PELI2: variants seen among roughly 807,000 people sequenced by gnomAD.
The protein encoded by PELI2 is E3 ubiquitin-protein ligase pellino homolog 2.
PELI2 carries 23 observed loss-of-function variants against 42.3 expected under a neutral mutation model. That is an observed-to-expected ratio of 0.54 (90% CI 0.39 to 0.77). The LOEUF (loss-of-function observed/expected upper bound fraction) is 0.77. Ranked by LOEUF, PELI2 falls within the 30% of genes least tolerant of loss-of-function variation. PELI2 has a pLI of 0.00. For synonymous variants in PELI2, 245 were observed against 212.2 expected (o/e 1.15, Z -1.34); for missense variants, 463 against 553.2 (o/e 0.84, Z 1.64).
rs556084420 is a variant in PELI2, at chr14:56,253,239, A to G, written c.208-26437A>G. ...GCTGTTTATGACAAACCCACAGCCA[A>G]TATCACACTGAATGGGCCAAAGCTG... On this transcript the variant is annotated intron_variant, in intron 2 of 5. Coordinates refer to ENST00000267460, the MANE Select transcript of PELI2 (RefSeq NM_021255.3). 4.6e-5 allele frequency among the ~76,000 whole-genome samples: 7 copies of G among 152,360 alleles called. No homozygotes were observed. The South Asian group carries it at 6.2e-4, about 14-fold the overall frequency.
chr14:56,242,771 A>G (rs758379692), intron 2 of PELI2, among the ~76,000 whole-genome samples: 2 of 152,210 alleles, frequency 1.3e-5, no homozygotes, highest in Non-Finnish European at 2.9e-5. Context: ...CAATTATCGT[A>G]TGTTCTCAGT....
chr14:56,141,611 T>TA lies in PELI2; in HGVS notation c.77+22875dup, dbSNP rs1384909128. Among the ~76,000 whole-genome samples the TA allele has an allele frequency of 8.5e-5, 13 of 152,124 alleles. 1 individual carries two copies. The South Asian group carries it at 1.0e-3, about 12-fold the overall frequency. On this transcript the variant is annotated intron_variant, in intron 1 of 5. Coordinates refer to ENST00000267460, the MANE Select transcript of PELI2 (RefSeq NM_021255.3). ...ATGGCTGGGGAGGCCTCAGGATACT[T>TA]ACAATCATGGCAGAAGGCACCTCTT... is the stretch of plus-strand genomic sequence containing the variant.
chr14:56,126,984 GGTT>G (rs1883294900), intron 1 of PELI2, among the ~76,000 whole-genome samples: 1 of 152,096 alleles, frequency 6.6e-6, no homozygotes, highest in South Asian at 2.1e-4. Flanking sequence ...TGTCTCCTCG[GGTT>G]GTTGATCATT....
chr14:56,127,905 TAA>T (rs746506654), intron 1 of PELI2, among the ~76,000 whole-genome samples: 2 of 152,224 alleles, frequency 1.3e-5, no homozygotes, highest in Admixed American at 6.5e-5. Context: ...CAGATGATGT[TAA>T]GTCTGTTGCT....
At chr14:56,184,917 G>T (rs1192802588) in intron 2 of PELI2, among the ~76,000 whole-genome samples, 1 of 152,042 alleles carries the variant, frequency 6.6e-6, no homozygotes, top group African/African-American at 2.4e-5. Flanking sequence ...ATTAACAGAT[G>T]ACTTGGAAAT....
At chr14:56,183,903 T>C (rs1885677198) in intron 2 of PELI2, among the ~76,000 whole-genome samples, 1 of 152,178 alleles carries the variant, frequency 6.6e-6, no homozygotes, top group African/African-American at 2.4e-5. Context: ...AAAAGTTGTC[T>C]TAGCTGAAAT....
At chr14:56,242,502 A>G (rs998477514) in intron 2 of PELI2, among the ~76,000 whole-genome samples, 4 of 152,240 alleles carry the variant, frequency 2.6e-5, no homozygotes, top group African/African-American at 9.6e-5. Flanking sequence ...ATTACTGGGC[A>G]TCTACCCAAA....
At chr14:56,294,853 A>G (rs1274612334) in intron 5 of PELI2, among the ~76,000 whole-genome samples, 1 of 152,200 alleles carries the variant, frequency 6.6e-6, no homozygotes, top group African/African-American at 2.4e-5. Flanking sequence ...AGTTCTCACA[A>G]CAATCCTATA....
intron 2 of PELI2, among the ~76,000 whole-genome samples, chr14:56,183,034 A>C (rs561728676): frequency 1.3e-5 from 2 of 152,106 alleles, no homozygotes; most frequent in South Asian, 4.2e-4. Flanking sequence ...TTAATAACTG[A>C]GTTTTAAATA....
At chr14:56,253,840 A>G (rs1888434726) in intron 2 of PELI2, among the ~76,000 whole-genome samples, 2 of 152,182 alleles carry the variant, frequency 1.3e-5, no homozygotes, top group African/African-American at 4.8e-5. Flanking sequence ...GGGAAAAAAA[A>G]CTACTTTAAA....
At chr14:56,123,177 C>CT (rs371420319) in intron 1 of PELI2, among the ~76,000 whole-genome samples, 15,346 of 142,116 alleles carry the variant, frequency 0.11, 1,024 homozygotes, top group South Asian at 0.25. Context: ...AGTTTATGGT[C>CT]TTTTTTTTTT....
intron 2 of PELI2, among the ~76,000 whole-genome samples, chr14:56,181,874 T>TGTG (rs1566624178): frequency 3.2e-4 from 46 of 145,448 alleles, no homozygotes; most frequent in African/African-American, 1.1e-3. Flanking sequence ...GTGTGTGTGT[T>TGTG]TTTAAATTAA....
chr14:56,143,026 T>A (rs920363547), intron 1 of PELI2, among the ~76,000 whole-genome samples: 5 of 152,220 alleles, frequency 3.3e-5, no homozygotes, highest in African/African-American at 1.2e-4. Context: ...CTTCTATGAA[T>A]TTCACCAGTT....
chr14:56,258,204 T>C (rs1244986139), intron 2 of PELI2, among the ~76,000 whole-genome samples: 1 of 152,070 alleles, frequency 6.6e-6, no homozygotes, highest in Non-Finnish European at 1.5e-5. Context: ...AAACAAAGCT[T>C]AAAAGCAAGT....
intron 2 of PELI2, among the ~76,000 whole-genome samples, chr14:56,237,791 T>G (rs952522188): frequency 6.6e-6 from 1 of 151,686 alleles, no homozygotes; most frequent in African/African-American, 2.4e-5. Context: ...CAGATACTTC[T>G]TTTCATGTTG....
intron 1 of PELI2, among the ~76,000 whole-genome samples, chr14:56,120,392 G>A (rs1011472246): frequency 1.3e-5 from 2 of 152,176 alleles, no homozygotes; most frequent in Non-Finnish European, 2.9e-5. Context: ...CAGCGAGTGG[G>A]CCTGGAGAGG....
At chr14:56,201,718 C>G (rs1337413449) in intron 2 of PELI2, among the ~76,000 whole-genome samples, 1 of 152,082 alleles carries the variant, frequency 6.6e-6, no homozygotes, top group Non-Finnish European at 1.5e-5. Context: ...CATAGTTTAC[C>G]AAGATATAGT....
At chr14:56,276,185 A>G (rs1889285195) in intron 2 of PELI2, among the ~76,000 whole-genome samples, 1 of 152,184 alleles carries the variant, frequency 6.6e-6, no homozygotes, top group African/African-American at 2.4e-5. Flanking sequence ...AAGGAAAGTG[A>G]AAATTGATCT....
rs74475695 is a variant in PELI2 at position 56,193,496 on chromosome 14, T to C, written c.207+15032T>C. On this transcript the variant is annotated intron_variant, in intron 2 of 5. Transcript: ENST00000267460. ...GCAGAGATTGGACAGAAGGGAAATATTGTTTCCTAAAACCTGACAATGGGA... is the reference window on the plus strand; with the variant it reads ...GCAGAGATTGGACAGAAGGGAAATACTGTTTCCTAAAACCTGACAATGGGA... 7.3e-3 allele frequency among the ~76,000 whole-genome samples: 1,108 copies of C among 152,274 alleles called. 16 individuals carry two copies. The highest frequency in any genetic ancestry group is 0.025 in the African/African-American group (1,047 of 41,556).
Sources: gnomAD v4.1 joint callset for allele counts (sites outside exome capture counted in the v4.1 genomes callset) on GRCh38, gnomAD v4.1.1 for gene constraint, MANE v1.5 for transcripts, NCBI Gene and HGNC (gene_info 2026-07-23, HGNC 2026-07-21) for gene names.